NIBAN1: variants seen among roughly 807,000 people sequenced by gnomAD.
NIBAN1 encodes niban apoptosis regulator 1.
Under a neutral mutation model 75.1 loss-of-function variants are expected in NIBAN1, and 81 were observed. That is an observed-to-expected ratio of 1.08 (90% CI 0.90 to 1.30). NIBAN1 has a LOEUF of 1.30. Ranked by LOEUF, NIBAN1 falls within the 50% of genes most tolerant of loss-of-function variation. The pLI is 0.00. For missense variants in NIBAN1, 1,133 were observed against 1,128.1 expected (o/e 1.00, Z -0.06); for synonymous variants, 436 against 424.8 (o/e 1.03, Z -0.32).
intron 1 of NIBAN1, 57 bp from the exon 2 acceptor site, chr1:184,899,366 A>G (rs1405975276): frequency 1.9e-6 from 3 of 1,574,248 alleles, no homozygotes; most frequent in African/African-American, 2.7e-5. Context: ...ACACCTATCT[A>G]CAGAGTTCCA....
chr1:184,852,776 C>T (rs1484399835), intron 5 of NIBAN1, among the ~76,000 whole-genome samples: 1 of 152,214 alleles, frequency 6.6e-6, no homozygotes, highest in Admixed American at 6.5e-5. Context: ...AACATTCTCT[C>T]TTTCTCTCCG....
At chr1:184,939,721 A>G (rs1284913765) in intron 1 of NIBAN1, among the ~76,000 whole-genome samples, 1 of 152,160 alleles carries the variant, frequency 6.6e-6, no homozygotes, top group Admixed American at 6.5e-5. Context: ...AGATACTGAT[A>G]CCTACAGAAC....
At chr1:184,911,359 G>A (rs1378883112) in intron 1 of NIBAN1, among the ~76,000 whole-genome samples, 3 of 152,156 alleles carry the variant, frequency 2.0e-5, no homozygotes, top group African/African-American at 7.2e-5. Context: ...ATTTCATTAA[G>A]TGATCTAAGA....
At chr1:184,941,652 CA>C (rs1190148311) in intron 1 of NIBAN1, among the ~76,000 whole-genome samples, 1,494 of 72,230 alleles carry the variant, frequency 0.021, 18 homozygotes, top group East Asian at 0.11. Flanking sequence ...GACCCTGTCT[CA>C]AAAAAAAAAA....
chr1:184,828,738 C>T (rs1206864025), intron 6 of NIBAN1, among the ~76,000 whole-genome samples: 1 of 152,170 alleles, frequency 6.6e-6, no homozygotes, highest in Non-Finnish European at 1.5e-5. Context: ...TCCTGAAATG[C>T]CCCTCCAGCA....
chr1:184,867,245 C>G (rs1012374556), intron 5 of NIBAN1, among the ~76,000 whole-genome samples: 13 of 152,022 alleles, frequency 8.6e-5, no homozygotes, highest in African/African-American at 2.9e-4. Flanking sequence ...ATATTGCATT[C>G]ACTTAACGAA....
intron 5 of NIBAN1, among the ~76,000 whole-genome samples, chr1:184,840,312 G>A (rs1347329381): frequency 6.6e-6 from 1 of 152,058 alleles, no homozygotes; most frequent in South Asian, 2.1e-4. Flanking sequence ...TTAATCTACT[G>A]ACCAAATCAT....
intron 5 of NIBAN1, among the ~76,000 whole-genome samples, chr1:184,855,036 A>G (rs968811538): frequency 1.3e-5 from 2 of 152,212 alleles, no homozygotes; most frequent in African/African-American, 4.8e-5. Flanking sequence ...AAGTAAGTAA[A>G]TCCCTCTTGG....
At chr1:184,908,476 C>T (rs1225377069) in intron 1 of NIBAN1, among the ~76,000 whole-genome samples, 4 of 152,146 alleles carry the variant, frequency 2.6e-5, no homozygotes, top group Non-Finnish European at 5.9e-5. Context: ...TTACTATTCC[C>T]ACTACCTTAT....
intron 1 of NIBAN1, among the ~76,000 whole-genome samples, chr1:184,969,186 G>A (rs1253999821): frequency 1.3e-5 from 2 of 152,160 alleles, no homozygotes; most frequent in African/African-American, 2.4e-5. Context: ...AACATAATGG[G>A]AGAATGCTAT....
intron 3 of NIBAN1, among the ~76,000 whole-genome samples, chr1:184,892,181 T>C (rs1387415481): frequency 6.6e-6 from 1 of 152,222 alleles, no homozygotes; most frequent in African/African-American, 2.4e-5. Context: ...TACCAGCAAC[T>C]GCTCCACACC....
intron 1 of NIBAN1, among the ~76,000 whole-genome samples, chr1:184,935,555 G>A (rs751896956): frequency 3.9e-5 from 6 of 152,160 alleles, no homozygotes; most frequent in African/African-American, 9.6e-5. Context: ...ATAATCTAAC[G>A]TTGATCTGAT....
intron 3 of NIBAN1, 117 bp downstream of exon 3, chr1:184,893,958 C>G (rs1656734420): frequency 9.6e-7 from 1 of 1,036,496 alleles, no homozygotes; most frequent in Non-Finnish European, 1.4e-6. Flanking sequence ...TATTTTTGTA[C>G]CAGTACCATG....
chr1:184,826,941 G>C (rs1654857154), intron 6 of NIBAN1, among the ~76,000 whole-genome samples: 1 of 152,086 alleles, frequency 6.6e-6, no homozygotes, highest in Non-Finnish European at 1.5e-5. Context: ...TGTGTTGTGT[G>C]GGGGACCTGG....
intron 1 of NIBAN1, among the ~76,000 whole-genome samples, chr1:184,931,999 A>C (rs935040915): frequency 1.9e-4 from 29 of 152,302 alleles, no homozygotes; most frequent in African/African-American, 6.7e-4. Flanking sequence ...CTATTTCTGA[A>C]TATTAGTGTT....
intron 9 of NIBAN1, among the ~76,000 whole-genome samples, 171 bp from the exon 10 acceptor site, chr1:184,808,406 T>A (rs778949330): frequency 1.3e-5 from 2 of 152,174 alleles, no homozygotes; most frequent in Non-Finnish European, 2.9e-5. Flanking sequence ...CCTCCTGCAG[T>A]GGGTTCCTAG....
chr1:184,906,499 G>T (rs746772983), intron 1 of NIBAN1, among the ~76,000 whole-genome samples: 1 of 151,738 alleles, frequency 6.6e-6, no homozygotes, highest in Non-Finnish European at 1.5e-5. Flanking sequence ...GCGTGGTGGC[G>T]CATGCCTGTA....
At chr1:184,934,518 C>T (rs1241750435) in intron 1 of NIBAN1, among the ~76,000 whole-genome samples, 1 of 152,194 alleles carries the variant, frequency 6.6e-6, no homozygotes, top group Non-Finnish European at 1.5e-5. Flanking sequence ...AATCGCAGCA[C>T]TTTGGGAGGC....
intron 5 of NIBAN1, among the ~76,000 whole-genome samples, chr1:184,853,083 T>C (rs1041311074): frequency 6.6e-6 from 1 of 152,228 alleles, no homozygotes; most frequent in Non-Finnish European, 1.5e-5. Context: ...GAAAAGATTA[T>C]AGCAAAACTA....
Sources: gnomAD v4.1 joint callset for allele counts (sites outside exome capture counted in the v4.1 genomes callset) on GRCh38, gnomAD v4.1.1 for gene constraint, MANE v1.5 for transcripts, NCBI Gene and HGNC (gene_info 2026-07-23, HGNC 2026-07-21) for gene names.